Variants in MYO5B observed in about 807,000 individuals in gnomAD.
MYO5B encodes myosin VB.
In MYO5B, 143 loss-of-function variants were observed where a neutral mutation model predicts 229.3. That is an observed-to-expected ratio of 0.62 (90% confidence interval 0.54 to 0.72). The LOEUF is 0.72. Ranked by LOEUF, MYO5B falls within the 30% of genes least tolerant of loss-of-function variation. The pLI is 0.00. For synonymous variants in MYO5B, 918 were observed against 885.2 expected (o/e 1.04, Z -0.66); for missense variants, 2,321 against 2,331.0 (o/e 1.00, Z 0.09).
chr18:49,866,214 G>A (rs371880879), intron 27 of MYO5B, among the ~76,000 whole-genome samples: 8 of 150,748 alleles, frequency 5.3e-5, no homozygotes, highest in Non-Finnish European at 1.0e-4. Context: ...GACTACAGGC[G>A]CCCACCACCA....
intron 33 of MYO5B, among the ~76,000 whole-genome samples, chr18:49,843,981 GC>G (rs906435499): frequency 2.6e-5 from 4 of 152,210 alleles, no homozygotes; most frequent in African/African-American, 9.6e-5. Flanking sequence ...GATCAGGCAG[GC>G]CCCCCTTCCC....
chr18:49,855,916 C>T lies in MYO5B; in HGVS notation c.4022+897G>A, dbSNP rs549775873. ...CTGGCTGAGGGAGCTGGGTCCAGCA[C>T]TCATGCCACCTTGTTGAGTCCCGGT... On this transcript the variant is annotated intron_variant, in intron 30 of 39. Coordinates refer to ENST00000285039, the MANE Select transcript of MYO5B (RefSeq NM_001080467.3). Among the ~76,000 whole-genome samples the T allele has an allele frequency of 3.9e-5, 6 of 152,360 alleles. No homozygotes were observed. In the East Asian group the frequency reaches 1.2e-3, roughly 29 times the overall value.
chr18:50,150,578 C>G (rs534502757), intron 1 of MYO5B, among the ~76,000 whole-genome samples: 1,953 of 151,690 alleles, frequency 0.013, 16 homozygotes, highest in African/African-American at 0.021. Context: ...TAAACTATCG[C>G]AAGAACAAAA....
intron 4 of MYO5B, among the ~76,000 whole-genome samples, chr18:50,009,883 G>A (rs1470626036): frequency 6.6e-6 from 1 of 152,204 alleles, no homozygotes; most frequent in African/African-American, 2.4e-5. Context: ...GCACTTGTGT[G>A]AGGGGTTCTC....
chr18:49,894,785 C>T (rs143203856), intron 22 of MYO5B, among the ~76,000 whole-genome samples, 156 bp downstream of exon 22: 1 of 152,252 alleles, frequency 6.6e-6, no homozygotes, highest in Non-Finnish European at 1.5e-5. Flanking sequence ...CAAAGCATGC[C>T]ACTTTCTGTC....
At chr18:50,175,910 C>T (rs574532522) in intron 1 of MYO5B, among the ~76,000 whole-genome samples, 1 of 152,334 alleles carries the variant, frequency 6.6e-6, no homozygotes, top group South Asian at 2.1e-4. Flanking sequence ...CAACACATAC[C>T]CATTGCTGGT....
At chr18:49,911,568 C>A (rs2024958185) in intron 18 of MYO5B, among the ~76,000 whole-genome samples, 2 of 152,164 alleles carry the variant, frequency 1.3e-5, no homozygotes, top group Admixed American at 6.5e-5. Flanking sequence ...CTTGGGAAGT[C>A]CACAATGTCA....
intron 1 of MYO5B, among the ~76,000 whole-genome samples, chr18:50,159,925 C>T (rs1210012403): frequency 6.6e-6 from 1 of 152,234 alleles, no homozygotes; most frequent in Non-Finnish European, 1.5e-5. Context: ...CCCTCACCCT[C>T]CCTTGCAGAA....
chr18:50,165,838 G>A (rs1195766657), intron 1 of MYO5B, among the ~76,000 whole-genome samples: 1 of 152,072 alleles, frequency 6.6e-6, no homozygotes, highest in African/African-American at 2.4e-5. Context: ...AAGAGAGAAA[G>A]AAAGATAAGA....
intron 1 of MYO5B, among the ~76,000 whole-genome samples, chr18:50,092,986 C>CT (rs1314023312): frequency 2.0e-5 from 3 of 152,026 alleles, no homozygotes; most frequent in African/African-American, 7.2e-5. Context: ...CAGAAGAAAC[C>CT]TTAACAAACA....
intron 34 of MYO5B, among the ~76,000 whole-genome samples, chr18:49,842,540 C>T (rs1379983734): frequency 6.6e-6 from 1 of 152,206 alleles, no homozygotes; most frequent in Non-Finnish European, 1.5e-5. Context: ...GGGGCACAGG[C>T]CTGCTAGCAG....
intron 4 of MYO5B, among the ~76,000 whole-genome samples, chr18:50,020,404 C>G (rs947634106): frequency 6.6e-6 from 1 of 152,216 alleles, no homozygotes; most frequent in African/African-American, 2.4e-5. Context: ...TTCCTCCTCC[C>G]CTTAAGATGG....
At chr18:50,054,043 G>A (rs1354201441) in intron 2 of MYO5B, among the ~76,000 whole-genome samples, 1 of 152,178 alleles carries the variant, frequency 6.6e-6, no homozygotes, top group Non-Finnish European at 1.5e-5. Flanking sequence ...ACCTCTGCCT[G>A]CATCCTCAGT....
At chr18:49,894,292 C>T (rs1227446430) in intron 22 of MYO5B, among the ~76,000 whole-genome samples, 1 of 128,126 alleles carries the variant, frequency 7.8e-6, no homozygotes, top group Non-Finnish European at 1.7e-5. Flanking sequence ...GGAGGGGGGG[C>T]GGTGGTGGGA....
Position 49,906,556 on chromosome 18 carries a change from C to A in MYO5B, c.2277G>T (p.Leu759=). 1 of 1,614,224 alleles carries A rather than the reference C, an allele frequency of 6.2e-7. No individual in the cohort carries two copies. Among genetic ancestry groups the A allele is most frequent in the Non-Finnish European group, 8.5e-7 (1 of 1,180,044 alleles). ...RAGQVAYLEK[L]RADKFRTATI... is the part of the protein sequence containing the mutation. ...TGGCTGTCCGGAACTTGTCAGCCCG[C>A]AGCTTCTCCAGGTAGGCCACCTGGC... Residue 759 remains leucine, a synonymous_variant, in exon 19 of 40, where the codon CTG becomes CTT. Transcript: ENST00000285039.
chr18:50,025,403 C>T (rs1453067640), intron 4 of MYO5B, among the ~76,000 whole-genome samples: 1 of 152,168 alleles, frequency 6.6e-6, no homozygotes, highest in Non-Finnish European at 1.5e-5. Context: ...GCCCCTTGCC[C>T]TCTGTGATCC....
chr18:50,188,892 T>C (rs2033190809), intron 1 of MYO5B, among the ~76,000 whole-genome samples: 1 of 149,680 alleles, frequency 6.7e-6, no homozygotes, highest in Non-Finnish European at 1.5e-5. Flanking sequence ...CATTGGAATA[T>C]GCCACATCCA....
chr18:49,912,237 C>T (rs940870144), intron 17 of MYO5B, 64 bp from the exon 18 acceptor site: 39 of 1,244,162 alleles, frequency 3.1e-5, no homozygotes, highest in Non-Finnish European at 3.9e-5. Context: ...AAAAGCCAGG[C>T]GTGACCTCAG....
chr18:50,033,327 T>A (rs768494885), intron 4 of MYO5B, among the ~76,000 whole-genome samples: 9 of 152,128 alleles, frequency 5.9e-5, no homozygotes, highest in Non-Finnish European at 1.2e-4. Context: ...TACCAATTCA[T>A]CAAGACCCAG....
Sources: allele counts gnomAD v4.1 joint callset (sites outside exome capture counted in the v4.1 genomes callset), GRCh38; gene constraint gnomAD v4.1.1; transcripts MANE v1.5; gene names NCBI Gene and HGNC (gene_info 2026-07-23, HGNC 2026-07-21).